Variants in ZNF469 observed in about 807,000 individuals in gnomAD.
ZNF469 encodes the protein zinc finger protein 469.
ZNF469 carries 1 observed loss-of-function variant against 1.0 expected under a neutral mutation model. The observed-to-expected ratio is 1.00, with a 90% CI of 0.35 to 4.73. The LOEUF (loss-of-function observed/expected upper bound fraction) is 4.73. Among genes scored for constraint, ZNF469 ranks in the 30% most tolerant of loss-of-function variants. ZNF469 has a pLI of 0.16. For missense variants in ZNF469, 6,100 were observed against 5,356.3 expected (o/e 1.14, Z -4.33); for synonymous variants, 2,703 against 2,363.4 (o/e 1.14, Z -4.17).
the ZNF469 span, among the ~76,000 whole-genome samples, chr16:88,262,529 G>C: frequency 6.6e-6 from 1 of 152,290 alleles, no homozygotes; most frequent in East Asian, 1.9e-4. This position sits in a 1 kb window ranked among gnomAD's most constrained non-coding sequence, Gnocchi z 4.3. Context: ...CCATGGGGCT[G>C]TCTAGGGCTC....
rs1337695234 is a variant in ZNF469, at chr16:88,437,929, G to A, written c.10459G>A (p.Gly3487Ser). ...VAMPGSAPGP[G>S]EDRPPPRGSS... is the part of the protein sequence containing the mutation. ...CATGCCCGGCAGTGCCCCTGGGCCCGGCGAGGACAGGCCTCCTCCCCGGGG... is the reference window on the plus strand; with the variant it reads ...CATGCCCGGCAGTGCCCCTGGGCCCAGCGAGGACAGGCCTCCTCCCCGGGG... Residue 3487 changes from glycine (G) to serine (S), a missense_variant, in exon 3 of 3, where the codon GGC (glycine) becomes AGC (serine). By Grantham distance (56) the Gly-to-Ser change is moderately conservative (BLOSUM62 0). Coordinates refer to ENST00000565624, the MANE Select transcript of ZNF469 (RefSeq NM_001367624.2). The A allele has an allele frequency of 5.8e-6, 9 of 1,540,490 alleles. No homozygotes were observed. The highest frequency in any genetic ancestry group is 6.1e-6 in the Non-Finnish European group (7 of 1,142,408).
At chr16:88,370,966 C>A in the ZNF469 span, among the ~76,000 whole-genome samples, 1 of 152,224 alleles carries the variant, frequency 6.6e-6, no homozygotes, top group African/African-American at 2.4e-5. Context: ...ATGGGAGGCA[C>A]GCGGCCCAGT....
the ZNF469 span, among the ~76,000 whole-genome samples, chr16:88,315,605 T>G: frequency 1.3e-4 from 20 of 152,214 alleles, no homozygotes; most frequent in Admixed American, 1.2e-3. Flanking sequence ...GGCCTCCCTG[T>G]GACCCCAGAA....
chr16:88,380,860 A>G (rs2092520907), upstream of ZNF469, among the ~76,000 whole-genome samples: 2 of 147,416 alleles, frequency 1.4e-5, no homozygotes, highest in African/African-American at 5.0e-5. Context: ...ACTCACATGC[A>G]CTCACACACA....
the ZNF469 span, among the ~76,000 whole-genome samples, chr16:88,106,963 T>C: frequency 6.6e-6 from 1 of 152,258 alleles, no homozygotes; most frequent in Admixed American, 6.5e-5. Context: ...GCCCTCACCA[T>C]GGCCAGCTCA....
chr16:88,397,618 TGGGTGG>T (rs1904722429), intron 1 of ZNF469, among the ~76,000 whole-genome samples: 3 of 146,240 alleles, frequency 2.1e-5, no homozygotes, highest in African/African-American at 5.1e-5. Context: ...GATGGATGGA[TGGGTGG>T]ATGGATGGAT....
the ZNF469 span, among the ~76,000 whole-genome samples, chr16:88,291,556 G>T: frequency 6.6e-6 from 1 of 152,154 alleles, no homozygotes; most frequent in Non-Finnish European, 1.5e-5. Context: ...CGGCTTGCCT[G>T]ATGTCTTCCA....
the ZNF469 span, among the ~76,000 whole-genome samples, chr16:88,150,942 A>T: frequency 2.0e-5 from 3 of 152,034 alleles, no homozygotes; most frequent in Non-Finnish European, 2.9e-5. Context: ...AGGCCCGGGG[A>T]AGGGGTTTCG....
intron 1 of ZNF469, among the ~76,000 whole-genome samples, chr16:88,421,211 C>T (rs1905446452): frequency 1.3e-5 from 2 of 152,152 alleles, no homozygotes; most frequent in African/African-American, 4.8e-5. Flanking sequence ...CACTGGCATT[C>T]CCCCACACCC....
chr16:88,383,366 C>T (rs1207822738), intron 1 of ZNF469, among the ~76,000 whole-genome samples, 112 bp downstream of exon 1: 1 of 147,784 alleles, frequency 6.8e-6, no homozygotes, highest in Non-Finnish European at 1.5e-5. Context: ...GCTCCCGCTC[C>T]TGCGCCCTCG....
At chr16:88,232,627 G>A in the ZNF469 span, among the ~76,000 whole-genome samples, 7 of 152,220 alleles carry the variant, frequency 4.6e-5, no homozygotes, top group Admixed American at 2.0e-4. Flanking sequence ...CAGGCTGTCC[G>A]GGAGCTCTCT....
chr16:88,408,493 G>T (rs1375589710), intron 1 of ZNF469, among the ~76,000 whole-genome samples: 1 of 152,194 alleles, frequency 6.6e-6, no homozygotes, highest in Non-Finnish European at 1.5e-5. Flanking sequence ...AAGTTTTCAA[G>T]AAACAAAGTT....
chr16:88,394,742 AG>A (rs1209857174), intron 1 of ZNF469, among the ~76,000 whole-genome samples: 3 of 152,288 alleles, frequency 2.0e-5, no homozygotes, highest in African/African-American at 7.2e-5. Context: ...GCAGTGCCTG[AG>A]GGAACAGGGG....
chr16:88,297,874 G>A, the ZNF469 span, among the ~76,000 whole-genome samples: 1 of 152,190 alleles, frequency 6.6e-6, no homozygotes, highest in African/African-American at 2.4e-5. Flanking sequence ...ATTATTGAGG[G>A]CACTACAGGT....
the ZNF469 span, among the ~76,000 whole-genome samples, chr16:88,374,004 T>TAA: frequency 7.8e-4 from 112 of 143,508 alleles, no homozygotes; most frequent in African/African-American, 2.0e-3. Context: ...TGTCTAAAAT[T>TAA]AAAAAAAAAA....
At chr16:88,293,294 GTGAA>G in the ZNF469 span, among the ~76,000 whole-genome samples, 8 of 149,134 alleles carry the variant, frequency 5.4e-5, no homozygotes, top group Non-Finnish European at 8.9e-5. Context: ...GGACACGTGA[GTGAA>G]TGGATGGATG....
the ZNF469 span, among the ~76,000 whole-genome samples, chr16:88,307,478 C>G: frequency 1.3e-5 from 2 of 152,194 alleles, no homozygotes; most frequent in Non-Finnish European, 2.9e-5. Flanking sequence ...GGGAGGGTTT[C>G]AAATTCTCCC....
the ZNF469 span, among the ~76,000 whole-genome samples, chr16:88,300,141 C>T: frequency 6.6e-6 from 1 of 152,184 alleles, no homozygotes; most frequent in Non-Finnish European, 1.5e-5. Context: ...GGAATTTCTC[C>T]CAACTCTGCA....
At chr16:88,341,186 T>C in the ZNF469 span, among the ~76,000 whole-genome samples, 1 of 152,200 alleles carries the variant, frequency 6.6e-6, no homozygotes, top group African/African-American at 2.4e-5. Flanking sequence ...GTAGAAGCCC[T>C]TCTTAGCTCA....
Sources: allele counts gnomAD v4.1 joint callset (sites outside exome capture counted in the v4.1 genomes callset), GRCh38; gene constraint gnomAD v4.1.1; non-coding constraint Gnocchi (gnomAD v3.1); transcripts MANE v1.5; gene names NCBI Gene and HGNC (gene_info 2026-07-23, HGNC 2026-07-21).